STEAP2: variants seen among roughly 807,000 people sequenced by gnomAD.
STEAP2 encodes the protein STEAP2 metalloreductase.
Under a neutral mutation model 46.4 loss-of-function variants are expected in STEAP2, and 30 were observed. The ratio of observed to expected loss-of-function variants is 0.65; its 90% CI spans 0.48 to 0.88. STEAP2 has a LOEUF of 0.88. STEAP2 is among the 40% of genes least tolerant of loss of function. STEAP2 has a pLI of 0.00. For missense variants in STEAP2, 513 were observed against 579.3 expected, an observed-to-expected ratio of 0.89 and a Z score of 1.18; for synonymous variants, 180 against 200.5, an observed-to-expected ratio of 0.90 and a Z score of 0.86.
Position 90,229,893 on chromosome 7 carries a change from T to C in STEAP2, c.1042T>C (p.Ser348Pro). 1 of 1,612,998 alleles carries C rather than the reference T, an allele frequency of 6.2e-7. No homozygotes were observed. Among genetic ancestry groups the C allele is most frequent in the Non-Finnish European group, 8.5e-7 (1 of 1,179,366 alleles). ...YQQVHANIEN[S>P]WNEEEVWRIE... ...TTAGGTTCATGCAAATATTGAAAAC[T>C]CTTGGAATGAGGAAGAAGTTTGGAG... is the stretch of plus-strand genomic sequence containing the variant. The change falls in exon 5 of 6, where the codon TCT becomes CCT. Residue 348 changes from serine (S) to proline (P), a missense_variant. Physicochemically the swap from Ser to Pro is moderately conservative, Grantham distance 74. Coordinates refer to ENST00000394621, the MANE Select transcript of STEAP2 (RefSeq NM_001244944.2).
At position 90,237,635 on chromosome 7, in the gene STEAP2, T is replaced by G. The variant is rs139857212; in HGVS notation, c.*5011T>G. On this transcript the variant is annotated 3_prime_UTR_variant, in exon 6 of 6. Coordinates refer to ENST00000394621, the MANE Select transcript of STEAP2 (RefSeq NM_001244944.2). ...TGATTTAACTTCTGTTTTGAAATGTTGTATACACGTGGATTTTTTTCTCAT... is the reference window on the plus strand; with the variant it reads ...TGATTTAACTTCTGTTTTGAAATGTGGTATACACGTGGATTTTTTTCTCAT... The G allele has an allele frequency of 2.6e-5, 4 of 156,258 alleles. No homozygotes were observed. In the East Asian group the frequency reaches 5.6e-4, roughly 22 times the overall value. The allele number at this position is 156,258 out of a possible 1,614,324, so 9.7% of individuals were successfully genotyped here. A position where few individuals can be genotyped will look rare whatever the true frequency, so the allele number is the denominator to read the frequency against.
At chr7:90,221,607 CA>C (rs1310306488) in intron 2 of STEAP2, among the ~76,000 whole-genome samples, 2 of 152,084 alleles carry the variant, frequency 1.3e-5, no homozygotes, top group Non-Finnish European at 2.9e-5. Context: ...AATCCATTTG[CA>C]TTCAAAGTTA....
Position 90,237,095 on chromosome 7 carries a change from G to A in STEAP2, c.*4471G>A. 1.2e-6 allele frequency: 1 copy of A among 851,868 alleles called. No homozygotes were observed. The highest frequency in any genetic ancestry group is 1.8e-6 in the Non-Finnish European group (1 of 558,628). 52.8% of individuals were successfully genotyped at this position (851,868 alleles called of 1,614,324 possible). ...TCCTTTTTCATCCCTTCATCTTGCT[G>A]CTGGGATTGTGGATATAACAGGAGC... On this transcript the variant is annotated 3_prime_UTR_variant, in exon 6 of 6. Transcript: ENST00000394621.
intron 4 of STEAP2, 26 bp from the exon 5 acceptor site, chr7:90,229,846 G>A: frequency 6.2e-7 from 1 of 1,607,350 alleles, no homozygotes; most frequent in Non-Finnish European, 8.5e-7. Flanking sequence ...CTAAATAAAG[G>A]AAATTCACAT....
intron 4 of STEAP2, among the ~76,000 whole-genome samples, chr7:90,229,098 T>C (rs1359228262): frequency 1.3e-5 from 2 of 152,200 alleles, no homozygotes; most frequent in African/African-American, 4.8e-5. Context: ...CAATACTTGA[T>C]TTATACTCTA....
chr7:90,227,714 C>T (rs964439124), intron 4 of STEAP2, among the ~76,000 whole-genome samples: 2 of 152,076 alleles, frequency 1.3e-5, no homozygotes, highest in Admixed American at 1.3e-4. Flanking sequence ...CTTTTCCATA[C>T]AGAATAAAAG....
At chr7:90,238,619 G>T (rs1796021693), downstream of STEAP2, among the ~76,000 whole-genome samples, 1 of 152,176 alleles carries the variant, frequency 6.6e-6, no homozygotes, top group African/African-American at 2.4e-5. Flanking sequence ...CTGTGTTTGT[G>T]TTCCCTTCTC....
chr7:90,234,637 G>T lies in STEAP2; in HGVS notation c.*2013G>T. The T allele has an allele frequency of 2.8e-6, 2 of 712,170 alleles. No homozygotes were observed. Among genetic ancestry groups the T allele is most frequent in the Non-Finnish European group, 3.4e-6 (2 of 585,186 alleles). 44.1% of individuals were successfully genotyped at this position (712,170 alleles called of 1,614,324 possible). On this transcript the variant is annotated 3_prime_UTR_variant, in exon 6 of 6. Coordinates refer to ENST00000394621, the MANE Select transcript of STEAP2 (RefSeq NM_001244944.2). ...ACGATCTCGGCTCACTGCAAGCTCT[G>T]CCTCCCGGGTTCACGCCATTCTCCT...
chr7:90,223,376 TC>T (rs1562805449), intron 2 of STEAP2, among the ~76,000 whole-genome samples: 1 of 152,058 alleles, frequency 6.6e-6, no homozygotes, highest in Non-Finnish European at 1.5e-5. Flanking sequence ...GGGTCCTGAC[TC>T]CCCCATCTGT....
At position 90,236,002 on chromosome 7, in the gene STEAP2, T is replaced by A. The variant is rs1260428901; in HGVS notation, c.*3378T>A. 1.1e-6 allele frequency: 1 copy of A among 943,318 alleles called. No individual in the cohort carries two copies. The highest frequency in any genetic ancestry group is 1.3e-6 in the Non-Finnish European group (1 of 791,612). The allele number at this position is 943,318 out of a possible 1,614,324, so 58.4% of individuals were successfully genotyped here. ...AAGGAATTCTACTTTCAAAAATTAATCTGATAATAGTAACAAGGTATATTA... is the reference window on the plus strand; with the variant it reads ...AAGGAATTCTACTTTCAAAAATTAAACTGATAATAGTAACAAGGTATATTA... On this transcript the variant is annotated 3_prime_UTR_variant, in exon 6 of 6. Coordinates refer to ENST00000394621, the MANE Select transcript of STEAP2 (RefSeq NM_001244944.2).
Position 90,232,095 on chromosome 7 carries a change from A to G in STEAP2, c.1186-242A>G, listed in dbSNP as rs543275223. On this transcript the variant is annotated intron_variant, in intron 5 of 5. Coordinates refer to ENST00000394621, the MANE Select transcript of STEAP2 (RefSeq NM_001244944.2). ...AAATAAATGAAGTAGTAAGAATATT[A>G]AACTGTATGCAGTAGGGCCTTATTT... 3.9e-5 allele frequency among the ~76,000 whole-genome samples: 6 copies of G among 152,128 alleles called. No homozygotes were observed. In the East Asian group the frequency reaches 9.6e-4, roughly 24 times the overall value.
rs1795828125 is a variant in STEAP2, at chr7:90,233,096, A to T, written c.*472A>T. On this transcript the variant is annotated 3_prime_UTR_variant, in exon 6 of 6. Transcript: ENST00000394621. The stretch of plus-strand genomic sequence containing the variant: ...TTAAGAAAGGACACGTTATGTTAGC[A>T]TCTAGGTAAGGCTGCATGATAGCAT... 1 of 985,228 alleles carries T rather than the reference A, an allele frequency of 1.0e-6. No homozygotes were observed. Among genetic ancestry groups the T allele is most frequent in the Admixed American group, 6.1e-5 (1 of 16,318 alleles). The allele number at this position is 985,228 out of a possible 1,614,324, so 61.0% of individuals were successfully genotyped here.
chr7:90,223,283 G>C (rs1241761072), intron 2 of STEAP2, among the ~76,000 whole-genome samples: 6 of 152,134 alleles, frequency 3.9e-5, no homozygotes, highest in African/African-American at 9.7e-5. Context: ...TGCTTAGTCT[G>C]GTGGCTCCCA....
At chr7:90,230,235 A>G (rs1047227699) in intron 5 of STEAP2, among the ~76,000 whole-genome samples, 199 bp downstream of exon 5, 2 of 152,036 alleles carry the variant, frequency 1.3e-5, no homozygotes, top group African/African-American at 4.8e-5. Context: ...ATTGTACTGG[A>G]AGACTTTGAC....
chr7:90,224,389 A>G (rs1584236474), intron 2 of STEAP2, among the ~76,000 whole-genome samples: 1 of 151,816 alleles, frequency 6.6e-6, no homozygotes, highest in Non-Finnish European at 1.5e-5. Flanking sequence ...TGCATAAATC[A>G]CCCCTTAATT....
Position 90,236,530 on chromosome 7 carries a change from T to C in STEAP2, c.*3906T>C. On this transcript the variant is annotated 3_prime_UTR_variant, in exon 6 of 6. Transcript: ENST00000394621. Reference sequence around the variant, plus strand: ...TACATTCAGGACAAATGATTAGCCCTAAATGAAACTGTAATAATTTCAGTG... The same window carrying C: ...TACATTCAGGACAAATGATTAGCCCCAAATGAAACTGTAATAATTTCAGTG... 1 of 1,034,864 alleles carries C rather than the reference T, an allele frequency of 9.7e-7. No individual in the cohort carries two copies. Among genetic ancestry groups the C allele is most frequent in the Non-Finnish European group, 1.2e-6 (1 of 860,614 alleles). 64.1% of individuals were successfully genotyped at this position (1,034,864 alleles called of 1,614,324 possible). A position where few individuals can be genotyped will look rare whatever the true frequency, so the allele number is the denominator to read the frequency against.
In STEAP2 at chr7:90,225,050, G is replaced by A; in HGVS notation, c.-33G>A. 1 of 1,599,356 alleles carries A rather than the reference G, an allele frequency of 6.3e-7. No individual in the cohort carries two copies. Among genetic ancestry groups the A allele is most frequent in the Non-Finnish European group, 8.5e-7 (1 of 1,172,980 alleles). On this transcript the variant is annotated splice_region_variant and 5_prime_UTR_variant, in exon 3 of 6. Transcript: ENST00000394621. Reference sequence around the variant, plus strand: ...GACCATTTTATTTTCTCTCCCCTAGGATATTCTTGGTGATCTTGGAAGTGT... The same window carrying A: ...GACCATTTTATTTTCTCTCCCCTAGAATATTCTTGGTGATCTTGGAAGTGT...
intron 2 of STEAP2, among the ~76,000 whole-genome samples, chr7:90,224,481 GC>G (rs1210801244): frequency 6.6e-6 from 1 of 152,190 alleles, no homozygotes; most frequent in Non-Finnish European, 1.5e-5. Context: ...TACGGGGTAG[GC>G]CTGCTCTGCA....
downstream of STEAP2, among the ~76,000 whole-genome samples, chr7:90,239,702 A>C (rs1157897549): frequency 6.6e-6 from 1 of 152,076 alleles, no homozygotes; most frequent in East Asian, 1.9e-4. Flanking sequence ...TTCTTCTTTT[A>C]ATTTTTTTTA....
Sources: gnomAD v4.1 joint callset for allele counts (sites outside exome capture counted in the v4.1 genomes callset) on GRCh38, gnomAD v4.1.1 for gene constraint, MANE v1.5 for transcripts, NCBI Gene and HGNC (gene_info 2026-07-23, HGNC 2026-07-21) for gene names.